KIAA1217: variants seen among roughly 807,000 people sequenced by gnomAD.
KIAA1217 encodes sickle tail protein homolog.
KIAA1217 carries 88 observed loss-of-function variants against 163.9 expected under a neutral mutation model. The observed-to-expected ratio is 0.54, with a 90% CI of 0.45 to 0.64. KIAA1217 has a LOEUF of 0.64. KIAA1217 is among the 30% of genes least tolerant of loss of function. The probability of loss-of-function intolerance (pLI) is 0.00; values close to 1 mark genes in which losing one functional copy is unlikely to be tolerated. For missense variants in KIAA1217, 2,372 were observed against 2,475.0 expected, an observed-to-expected ratio of 0.96 and a Z score of 0.88; for synonymous variants, 903 against 923.1, an observed-to-expected ratio of 0.98 and a Z score of 0.39.
chr10:24,060,410 T>C (rs1027486682), intron 2 of KIAA1217, among the ~76,000 whole-genome samples: 5 of 152,222 alleles, frequency 3.3e-5, no homozygotes, highest in African/African-American at 1.2e-4. Flanking sequence ...TGTAGTTTAA[T>C]TTCTACATAT....
intron 1 of KIAA1217, among the ~76,000 whole-genome samples, chr10:23,825,884 G>A (rs985795887): frequency 6.6e-6 from 1 of 152,124 alleles, no homozygotes. Context: ...TGTTTTTATG[G>A]GCAAAATGGG....
At chr10:23,726,025 G>A (rs995148152) in intron 1 of KIAA1217, among the ~76,000 whole-genome samples, 1 of 152,074 alleles carries the variant, frequency 6.6e-6, no homozygotes, top group Admixed American at 6.6e-5. Context: ...ACTCAAAAAG[G>A]GACCATTCTG....
chr10:24,417,725 T>C (rs1163356166), intron 3 of KIAA1217, among the ~76,000 whole-genome samples: 3 of 152,132 alleles, frequency 2.0e-5, no homozygotes, highest in Non-Finnish European at 4.4e-5. Flanking sequence ...TAAGGCTTTA[T>C]GGAATCTAAG....
chr10:24,062,464 G>T (rs1036966764), intron 2 of KIAA1217, among the ~76,000 whole-genome samples: 1 of 151,578 alleles, frequency 6.6e-6, no homozygotes, highest in Non-Finnish European at 1.5e-5. Context: ...CAAAGGACAT[G>T]AATTCATCAT....
chr10:23,757,252 G>T (rs528663412), intron 1 of KIAA1217, among the ~76,000 whole-genome samples: 22 of 152,084 alleles, frequency 1.4e-4, no homozygotes, highest in Non-Finnish European at 2.9e-4. Context: ...GAAAATTGCT[G>T]GATCACACAG....
intron 2 of KIAA1217, among the ~76,000 whole-genome samples, chr10:24,229,979 G>A (rs748086856): frequency 3.3e-5 from 5 of 151,780 alleles, no homozygotes; most frequent in African/African-American, 4.8e-5. Context: ...CCTCAAAAAC[G>A]TATAGAAATA....
At chr10:24,430,836 C>T (rs1176701394) in intron 3 of KIAA1217, among the ~76,000 whole-genome samples, 1 of 152,230 alleles carries the variant, frequency 6.6e-6, no homozygotes, top group Non-Finnish European at 1.5e-5. Context: ...GATTCCCTCG[C>T]TCAGCCATGG....
At chr10:24,446,515 A>C (rs968039639) in intron 5 of KIAA1217, among the ~76,000 whole-genome samples, 1 of 152,140 alleles carries the variant, frequency 6.6e-6, no homozygotes, top group Non-Finnish European at 1.5e-5. Context: ...TGTTGAGAAG[A>C]GGGGTTTGGG....
At chr10:24,195,143 A>T (rs12240774) in intron 2 of KIAA1217, among the ~76,000 whole-genome samples, 2,420 of 152,144 alleles carry the variant, frequency 0.016, 63 homozygotes, top group African/African-American at 0.05. Context: ...CTGGGGAATG[A>T]GCTTTCTCCT....
chr10:24,465,829 A>G (rs2062885227), intron 5 of KIAA1217, among the ~76,000 whole-genome samples: 1 of 152,008 alleles, frequency 6.6e-6, no homozygotes, highest in South Asian at 2.1e-4. Flanking sequence ...GGGATCGCCT[A>G]CCTTCTCGTC....
intron 1 of KIAA1217, among the ~76,000 whole-genome samples, chr10:23,715,487 A>C (rs1275444136): frequency 6.6e-6 from 1 of 152,154 alleles, no homozygotes; most frequent in Non-Finnish European, 1.5e-5. Context: ...ATTTTGGCTT[A>C]TTACCTTTTT....
rs931852656 is a variant in KIAA1217 at position 24,456,433 on chromosome 10, T to G, written c.847-16795T>G. Among the ~76,000 whole-genome samples, 10 of 152,266 alleles carry G rather than the reference T, an allele frequency of 6.6e-5. 2 individuals are homozygous for G. The highest frequency in any genetic ancestry group is 2.0e-4 in the Admixed American group (3 of 15,294). Reference sequence around the variant, plus strand: ...GATATTAATAATCATGCGTGCTCAGTGACACAACAATGATGGAACTCATTA... The same window carrying G: ...GATATTAATAATCATGCGTGCTCAGGGACACAACAATGATGGAACTCATTA... On this transcript the variant is annotated intron_variant, in intron 5 of 20. Transcript: ENST00000376454.
intron 1 of KIAA1217, among the ~76,000 whole-genome samples, chr10:23,869,560 G>A (rs1206531036): frequency 6.6e-6 from 1 of 151,792 alleles, no homozygotes; most frequent in Admixed American, 6.6e-5. Context: ...CGGTCGTGAG[G>A]TAGATAATTT....
upstream of KIAA1217, among the ~76,000 whole-genome samples, chr10:24,204,721 A>G (rs1031965688): frequency 6.6e-6 from 1 of 152,168 alleles, no homozygotes; most frequent in Admixed American, 6.5e-5. Context: ...GTATAAGGTC[A>G]CCCTAACCAC....
rs993273339 is a variant in KIAA1217, at chr10:24,360,979, A to C, written c.355-19890A>C. Among the ~76,000 whole-genome samples, 9 of 152,304 alleles carry C rather than the reference A, an allele frequency of 5.9e-5. No homozygotes were observed. In the East Asian group the frequency reaches 1.7e-3, roughly 29 times the overall value. On this transcript the variant is annotated intron_variant, in intron 2 of 20. Coordinates refer to ENST00000376454, the MANE Select transcript of KIAA1217 (RefSeq NM_019590.5). ...GCTACATCTCGGGAGTTTTTAAAAA[A>C]ATTTTATTACAAAAGTAACCATGGA...
chr10:23,989,320 C>T lies in KIAA1217; in HGVS notation c.-320-17905C>T, dbSNP rs780459100. 7.8e-4 allele frequency among the ~76,000 whole-genome samples: 118 copies of T among 151,984 alleles called. 1 individual carries two copies. Among genetic ancestry groups the T allele is most frequent in the Admixed American group, 4.6e-4 (7 of 15,270 alleles). On this transcript the variant is annotated intron_variant, in intron 1 of 18. Transcript: ENST00000376462. ...TGTATTTAATGTAAGTTTTATGTGA[C>T]GCAGGATACTTCATAAAGAAATGGA...
intron 1 of KIAA1217, among the ~76,000 whole-genome samples, chr10:23,706,322 AC>A (rs1337857252): frequency 2.0e-5 from 3 of 152,292 alleles, no homozygotes; most frequent in Middle Eastern, 3.4e-3. Flanking sequence ...CAGAAGTAGC[AC>A]AGGTGGACAT....
At chr10:24,278,916 G>A (rs531579902) in intron 2 of KIAA1217, among the ~76,000 whole-genome samples, 4 of 151,138 alleles carry the variant, frequency 2.6e-5, no homozygotes, top group African/African-American at 9.8e-5. Flanking sequence ...GAGTGCAGCG[G>A]CCCAATCTCA....
At chr10:24,514,485 T>G (rs1194028985) in intron 10 of KIAA1217, among the ~76,000 whole-genome samples, 1 of 152,160 alleles carries the variant, frequency 6.6e-6, no homozygotes, top group Non-Finnish European at 1.5e-5. Flanking sequence ...AAAACATCAA[T>G]TTGAGTTATT....
Sources: allele counts gnomAD v4.1 joint callset (sites outside exome capture counted in the v4.1 genomes callset), GRCh38; gene constraint gnomAD v4.1.1; transcripts MANE v1.5; gene names NCBI Gene and HGNC (gene_info 2026-07-23, HGNC 2026-07-21).